The following GRIP1 variants were observed in gnomAD, a reference collection of about 807,000 sequenced individuals.
The protein encoded by GRIP1 is glutamate receptor interacting protein 1.
GRIP1 carries 45 observed loss-of-function variants against 129.9 expected under a neutral mutation model. The observed-to-expected ratio is 0.35, with a 90% confidence interval of 0.27 to 0.44. The LOEUF is 0.44. GRIP1 is among the 20% of genes least tolerant of loss of function. The probability of loss-of-function intolerance (pLI) is 1.00; values close to 1 mark genes in which losing one functional copy is unlikely to be tolerated. For missense variants in GRIP1, 1,196 were observed against 1,396.8 expected, an observed-to-expected ratio of 0.86 and a Z score of 2.29; for synonymous variants, 530 against 520.8, an observed-to-expected ratio of 1.02 and a Z score of -0.24.
At chr12:67,032,267 T>C (rs999925836) in intron 1 of GRIP1, among the ~76,000 whole-genome samples, 2 of 152,208 alleles carry the variant, frequency 1.3e-5, no homozygotes, top group African/African-American at 4.8e-5. Flanking sequence ...TTGTATATGT[T>C]TGTATATATA....
chr12:66,387,012 A>G (rs1462139938), intron 19 of GRIP1, among the ~76,000 whole-genome samples: 1 of 152,206 alleles, frequency 6.6e-6, no homozygotes, highest in Non-Finnish European at 1.5e-5. Context: ...ATCTCAGACC[A>G]TAATACATAA....
chr12:66,495,081 C>T (rs2060199723), intron 7 of GRIP1, among the ~76,000 whole-genome samples: 1 of 152,224 alleles, frequency 6.6e-6, no homozygotes, highest in South Asian at 2.1e-4. Context: ...TTCTCTACTT[C>T]TTCCTGGGTT....
intron 1 of GRIP1, among the ~76,000 whole-genome samples, chr12:66,853,502 C>A (rs1314783539): frequency 6.6e-6 from 1 of 152,048 alleles, no homozygotes; most frequent in Non-Finnish European, 1.5e-5. Flanking sequence ...ATTTTAACAA[C>A]TCTGCTCTTA....
At chr12:66,973,396 T>G (rs2042103907) in intron 1 of GRIP1, among the ~76,000 whole-genome samples, 1 of 107,530 alleles carries the variant, frequency 9.3e-6, no homozygotes, top group South Asian at 2.8e-4. Context: ...TTTTTTTTTT[T>G]GAAGGAAAAT....
chr12:66,834,730 T>G (rs1421173515), intron 1 of GRIP1, among the ~76,000 whole-genome samples: 2 of 152,166 alleles, frequency 1.3e-5, no homozygotes, highest in African/African-American at 4.8e-5. Context: ...GTGATTTTTT[T>G]GGATACAATA....
At chr12:66,460,469 C>A (rs990710478) in intron 9 of GRIP1, among the ~76,000 whole-genome samples, 1 of 152,216 alleles carries the variant, frequency 6.6e-6, no homozygotes, top group African/African-American at 2.4e-5. Context: ...AGTCTAGTGA[C>A]TCTGGTCACA....
chr12:66,362,508 TGGA>T (rs977799132), intron 23 of GRIP1, among the ~76,000 whole-genome samples: 1 of 151,674 alleles, frequency 6.6e-6, no homozygotes, highest in African/African-American at 2.4e-5. Flanking sequence ...AGAACAACAG[TGGA>T]GGAGGAGGAC....
At chr12:66,502,007 T>G (rs2060406512) in intron 7 of GRIP1, among the ~76,000 whole-genome samples, 1 of 152,218 alleles carries the variant, frequency 6.6e-6, no homozygotes, top group African/African-American at 2.4e-5. Flanking sequence ...TAGATAGTGA[T>G]TTTAGCTATA....
At chr12:66,657,543 A>G (rs73128821) in intron 1 of GRIP1, among the ~76,000 whole-genome samples, 8,146 of 152,336 alleles carry the variant, frequency 0.053, 311 homozygotes, top group Non-Finnish European at 0.082. Context: ...GGTCTGTTAC[A>G]TTAACAGAAG....
chr12:67,061,797 TG>T (rs2135890503), intron 1 of GRIP1, among the ~76,000 whole-genome samples: 1 of 152,324 alleles, frequency 6.6e-6, no homozygotes, highest in South Asian at 2.1e-4. Flanking sequence ...ATCACTTTGG[TG>T]GTTCCTTATT....
chr12:66,390,328 T>A (rs1382126634), intron 19 of GRIP1, among the ~76,000 whole-genome samples: 1 of 152,190 alleles, frequency 6.6e-6, no homozygotes, highest in Non-Finnish European at 1.5e-5. Flanking sequence ...CTCTAGAGTG[T>A]TCTATATATA....
chr12:66,798,924 C>T (rs2038778831), intron 1 of GRIP1, among the ~76,000 whole-genome samples: 1 of 152,042 alleles, frequency 6.6e-6, no homozygotes, highest in African/African-American at 2.4e-5. Context: ...TAAGTAGTTA[C>T]AATTTATATG....
At chr12:66,704,900 C>T (rs2035474065) in intron 1 of GRIP1, among the ~76,000 whole-genome samples, 2 of 152,074 alleles carry the variant, frequency 1.3e-5, no homozygotes, top group Admixed American at 1.3e-4. Context: ...CTCTCTTGTA[C>T]ACTGCCATAG....
In GRIP1 at chr12:66,541,872, A is replaced by G. The variant is rs754422054; in HGVS notation, c.215T>C (p.Ile72Thr). Residue 72 changes from isoleucine to threonine, a missense_variant, in exon 3 of 25, where the codon ATT (isoleucine) becomes ACT (threonine). Transcript: ENST00000359742. ...TTLGLTVSGGIDKDGKPRVSN... is the reference protein window; with the variant it reads ...TTLGLTVSGGTDKDGKPRVSN... The stretch of plus-strand genomic sequence containing the variant: ...TACTCTTGGCTTGCCATCCTTATCA[A>G]TTCCTCCCGATACCGTCAGACCCAG... 11 of 1,613,932 alleles carry G rather than the reference A, an allele frequency of 6.8e-6. No individual in the cohort carries two copies. In the East Asian group the frequency reaches 2.4e-4, roughly 36 times the overall value.
At position 66,392,765 on chromosome 12, in the gene GRIP1, G is replaced by A. The variant is rs1488170901; in HGVS notation, c.2181C>T (p.Ser727=). 1 of 1,613,976 alleles carries A rather than the reference G, an allele frequency of 6.2e-7. No homozygotes were observed. The highest frequency in any genetic ancestry group is 8.5e-7 in the Non-Finnish European group (1 of 1,179,874). Residue 727 remains serine (S), a synonymous_variant, in exon 18 of 25, where the codon AGC becomes AGT. Transcript: ENST00000359742. The stretch of plus-strand genomic sequence containing the variant: ...CTTCACTCAGAGGCTTCCCTTTCAA[G>A]CTGCTGCTATTGATGGCTAGGATTC... The part of the protein sequence containing the change: ...GDRILAINSS[S]LKGKPLSEAI...
intron 1 of GRIP1, among the ~76,000 whole-genome samples, chr12:66,905,538 T>C (rs980078116): frequency 1.3e-5 from 2 of 152,230 alleles, no homozygotes; most frequent in Admixed American, 6.5e-5. Flanking sequence ...TCAGGTATGA[T>C]TGAAATGAAA....
chr12:66,586,999 T>C (rs1450359358), intron 2 of GRIP1, among the ~76,000 whole-genome samples: 1 of 152,190 alleles, frequency 6.6e-6, no homozygotes, highest in Non-Finnish European at 1.5e-5. Context: ...ACTCTTACCA[T>C]GGCCTAAAAG....
chr12:66,580,373 C>G (rs2063327031), intron 2 of GRIP1, among the ~76,000 whole-genome samples: 1 of 149,684 alleles, frequency 6.7e-6, no homozygotes, highest in South Asian at 2.2e-4. Context: ...CACCAGCTAA[C>G]ATCATCATGA....
intron 2 of GRIP1, among the ~76,000 whole-genome samples, chr12:66,551,380 C>T (rs117503485): frequency 0.028 from 4,260 of 152,254 alleles, 82 homozygotes; most frequent in Non-Finnish European, 0.035. Flanking sequence ...CCTCTATAGG[C>T]TACAGATGGC....
Sources: gnomAD v4.1 joint callset for allele counts (sites outside exome capture counted in the v4.1 genomes callset) on GRCh38, gnomAD v4.1.1 for gene constraint, MANE v1.5 for transcripts, NCBI Gene and HGNC (gene_info 2026-07-23, HGNC 2026-07-21) for gene names.